POLB: variants seen among roughly 807,000 people sequenced by gnomAD.
POLB encodes 5'-dRP lyase.
Under a neutral mutation model 52.7 loss-of-function variants are expected in POLB, and 37 were observed. The ratio of observed to expected loss-of-function variants is 0.70; its 90% confidence interval spans 0.54 to 0.92. The LOEUF is 0.92. Ranked by LOEUF, POLB falls within the 40% of genes least tolerant of loss-of-function variation. POLB has a pLI of 0.00. For missense variants in POLB, 313 were observed against 400.8 expected, an observed-to-expected ratio of 0.78 and a Z score of 1.87; for synonymous variants, 138 against 131.3, an observed-to-expected ratio of 1.05 and a Z score of -0.35.
intron 11 of POLB, among the ~76,000 whole-genome samples, chr8:42,363,983 G>A (rs1286891956): frequency 2.7e-5 from 4 of 148,202 alleles, no homozygotes; most frequent in Admixed American, 6.7e-5. Context: ...CTGGAGTGCA[G>A]GAGGGCGATC....
At chr8:42,352,943 AG>A (rs1278421870) in intron 6 of POLB, among the ~76,000 whole-genome samples, 1 of 151,298 alleles carries the variant, frequency 6.6e-6, no homozygotes, top group Non-Finnish European at 1.5e-5. Flanking sequence ...GTGTGGTGGC[AG>A]GCACCTGTAA....
chr8:42,362,744 C>A, intron 11 of POLB, 46 bp downstream of exon 11: 1 of 1,002,522 alleles, frequency 1.0e-6, no homozygotes, highest in Non-Finnish European at 1.6e-6. Flanking sequence ...AACTTGGAGA[C>A]TGTTCAGTAG....
chr8:42,343,033 A>G (rs939990540), intron 2 of POLB, among the ~76,000 whole-genome samples: 8 of 151,912 alleles, frequency 5.3e-5, no homozygotes, highest in African/African-American at 1.9e-4. Context: ...TACTAAAAAT[A>G]TAAAATTGGC....
Position 42,357,161 on chromosome 8 carries a change from CTT to C in POLB, c.423-6_423-5del. 1 of 1,471,472 alleles carries C rather than the reference CTT, an allele frequency of 6.8e-7. No individual in the cohort carries two copies. The highest frequency in any genetic ancestry group is 1.2e-5 in the South Asian group (1 of 86,142). The allele number at this position is 1,471,472 out of a possible 1,614,324, so 91.2% of individuals were successfully genotyped here. A position where few individuals can be genotyped will look rare whatever the true frequency, so the allele number is the denominator to read the frequency against. On this transcript the variant is annotated splice_region_variant and splice_polypyrimidine_tract_variant and intron_variant, in intron 7 of 13. Transcript: ENST00000265421. The stretch of plus-strand genomic sequence containing the variant: ...AAAATCTTTTGTCTACTTATTCTGT[CTT>C]TATAGATATTTTGGGGACTTTGAAA...
At chr8:42,361,172 C>G (rs935535686) in intron 9 of POLB, 123 bp from the exon 10 acceptor site, 1 of 738,372 alleles carries the variant, frequency 1.4e-6, no homozygotes, top group Non-Finnish European at 2.5e-6. Context: ...AACTATGAAG[C>G]ACAGTGAAAT....
intron 6 of POLB, chr8:42,354,434 T>C (rs1823172534): frequency 1.6e-6 from 2 of 1,279,648 alleles, no homozygotes; most frequent in Non-Finnish European, 2.0e-6. Context: ...GCTGGATTCA[T>C]GCCCAGTAAA....
intron 2 of POLB, among the ~76,000 whole-genome samples, chr8:42,341,001 G>A (rs1327942927): frequency 6.6e-6 from 1 of 152,178 alleles, no homozygotes; most frequent in Non-Finnish European, 1.5e-5. Context: ...CCAAAGCATT[G>A]AGACATGAAG....
intron 10 of POLB, 173 bp downstream of exon 10, chr8:42,361,538 T>G: frequency 1.7e-6 from 1 of 599,368 alleles, no homozygotes. Flanking sequence ...AAAGGATACC[T>G]ATTATTCTTC....
intron 10 of POLB, 111 bp from the exon 11 acceptor site, chr8:42,362,501 C>T (rs1823764290): frequency 1.4e-6 from 1 of 700,072 alleles, no homozygotes; most frequent in South Asian, 1.8e-5. Context: ...ATAGCACAGT[C>T]TCCAGCCTGT....
intron 3 of POLB, among the ~76,000 whole-genome samples, chr8:42,347,968 A>G (rs1236093381): frequency 6.6e-6 from 1 of 152,198 alleles, no homozygotes; most frequent in Non-Finnish European, 1.5e-5. Flanking sequence ...ACATGAAAAA[A>G]AGTTCAATTT....
chr8:42,364,763 G>A (rs1417403388), intron 11 of POLB, among the ~76,000 whole-genome samples: 1 of 152,204 alleles, frequency 6.6e-6, no homozygotes, highest in Admixed American at 6.5e-5. Flanking sequence ...CATTCAGAAA[G>A]TAGAGTGGTG....
At chr8:42,352,015 T>C (rs866460306) in intron 5 of POLB, among the ~76,000 whole-genome samples, 11 of 152,356 alleles carry the variant, frequency 7.2e-5, no homozygotes, top group South Asian at 4.1e-4. Flanking sequence ...GCTGGTTCTT[T>C]AGTCATTCAA....
intron 9 of POLB, among the ~76,000 whole-genome samples, chr8:42,360,784 G>C (rs752536895): frequency 7.9e-5 from 12 of 151,528 alleles, no homozygotes; most frequent in Non-Finnish European, 1.5e-4. Context: ...GGATCTCTCT[G>C]TGTTGACTGG....
chr8:42,370,259 GTTTTTTTTTT>G, intron 13 of POLB: 1 of 289,110 alleles, frequency 3.5e-6, no homozygotes, highest in African/African-American at 2.6e-5. Flanking sequence ...ATCTAAAAGG[GTTTTTTTTTT>G]TTTTTTTTTT....
intron 9 of POLB, among the ~76,000 whole-genome samples, chr8:42,359,232 ATTTC>A (rs976829319): frequency 3.9e-5 from 6 of 152,042 alleles, no homozygotes; most frequent in Non-Finnish European, 8.8e-5. Context: ...TACCATCTTT[ATTTC>A]TTTCTTCTCT....
Position 42,338,539 on chromosome 8 carries a change from C to G in POLB, c.-86C>G, listed in dbSNP as rs1821984911. 1.6e-6 allele frequency: 2 copies of G among 1,239,148 alleles called. No homozygotes were observed. Among genetic ancestry groups the G allele is most frequent in the South Asian group, 1.2e-5 (1 of 83,338 alleles). The allele number at this position is 1,239,148 out of a possible 1,614,324, so 76.8% of individuals were successfully genotyped here. ...GGAGCTGGGTTGCTCCTGCTCCCGT[C>G]TCCAAGTCCTGGTACCTCCTTCAAG... On this transcript the variant is annotated 5_prime_UTR_variant, in exon 1 of 14. Transcript: ENST00000265421.
At chr8:42,364,210 A>T (rs951815947) in intron 11 of POLB, among the ~76,000 whole-genome samples, 21 of 151,912 alleles carry the variant, frequency 1.4e-4, no homozygotes, top group African/African-American at 4.8e-4. Flanking sequence ...TGCAGGCATG[A>T]ACCACCGTGC....
At chr8:42,338,977 G>T in intron 1 of POLB, 35 bp from the exon 2 acceptor site, 2 of 1,585,808 alleles carry the variant, frequency 1.3e-6, no homozygotes, top group Non-Finnish European at 8.7e-7. Flanking sequence ...TTTACTCGTG[G>T]TTCTTGTTCA....
At chr8:42,370,146 A>G (rs1189862967) in intron 13 of POLB, 158 bp downstream of exon 13, 3 of 702,770 alleles carry the variant, frequency 4.3e-6, no homozygotes, top group Non-Finnish European at 7.8e-6. Flanking sequence ...TTTAATGCAT[A>G]ACATGCTCCT....
Sources: allele counts gnomAD v4.1 joint callset (sites outside exome capture counted in the v4.1 genomes callset), GRCh38; gene constraint gnomAD v4.1.1; transcripts MANE v1.5; gene names NCBI Gene and HGNC (gene_info 2026-07-23, HGNC 2026-07-21).